SORBS2: variants seen among roughly 807,000 people sequenced by gnomAD.
SORBS2 encodes the protein sorbin and SH3 domain-containing protein 2.
A neutral mutation model predicts 97.7 loss-of-function variants in SORBS2; 46 were observed. That is an observed-to-expected ratio of 0.47 (90% CI 0.37 to 0.60). The LOEUF (loss-of-function observed/expected upper bound fraction) is 0.60. Ranked by LOEUF, SORBS2 falls within the 20% of genes least tolerant of loss-of-function variation. The pLI, the probability that SORBS2 is intolerant of heterozygous loss-of-function variation, is 0.00. For missense variants in SORBS2, 1,316 were observed against 1,282.3 expected (o/e 1.03, Z -0.40); for synonymous variants, 476 against 473.4 (o/e 1.01, Z -0.07).
chr4:185,627,082 A>T, intron 5 of SORBS2, 63 bp from the exon 18 acceptor site: 10 of 1,451,790 alleles, frequency 6.9e-6, no homozygotes, highest in Non-Finnish European at 9.6e-6. Context: ...GCACCAGAAA[A>T]ACCGGTGGAA....
At chr4:185,726,738 T>C (rs917699301) in intron 2 of SORBS2, among the ~76,000 whole-genome samples, 1 of 152,006 alleles carries the variant, frequency 6.6e-6, no homozygotes, top group Non-Finnish European at 1.5e-5. Flanking sequence ...TCTACAAATG[T>C]ATAAATATTA....
intron 4 of SORBS2, among the ~76,000 whole-genome samples, chr4:185,671,960 T>G (rs1028545643): frequency 2.0e-5 from 3 of 152,224 alleles, no homozygotes; most frequent in Non-Finnish European, 4.4e-5. Flanking sequence ...TCTCTAATGT[T>G]CAATTATTTA....
intron 1 of SORBS2, among the ~76,000 whole-genome samples, chr4:185,778,377 C>T (rs750259564): frequency 6.6e-6 from 1 of 152,152 alleles, no homozygotes; most frequent in Non-Finnish European, 1.5e-5. Flanking sequence ...AACCGCTGGT[C>T]TTGGGCCTTG....
rs868643954 is a variant in SORBS2, at chr4:185,921,798, C to T, written c.-338+34398G>A. Among the ~76,000 whole-genome samples, 4 of 152,178 alleles carry T rather than the reference C, an allele frequency of 2.6e-5. 1 individual carries two copies. The highest frequency in any genetic ancestry group is 4.1e-4 in the South Asian group (2 of 4,832). The stretch of plus-strand genomic sequence containing the variant: ...CTGCAAGCCTTCCGGGATTTCAAAG[C>T]GATCCTTCCAGTCTTCTTCAAAAGG... On this transcript the variant is annotated intron_variant, in intron 1 of 20. Transcript: ENST00000284776.
At chr4:185,945,511 A>C (rs2099274124) in intron 1 of SORBS2, among the ~76,000 whole-genome samples, 1 of 152,188 alleles carries the variant, frequency 6.6e-6, no homozygotes, top group African/African-American at 2.4e-5. Context: ...ATCATTGCAC[A>C]ATTTTGGTAA....
chr4:185,844,084 C>T (rs996834395), intron 1 of SORBS2, among the ~76,000 whole-genome samples: 1 of 152,170 alleles, frequency 6.6e-6, no homozygotes, highest in Non-Finnish European at 1.5e-5. Context: ...AGAACCCACA[C>T]CTTCAACACA....
At chr4:185,822,435 C>T (rs750648666) in intron 1 of SORBS2, among the ~76,000 whole-genome samples, 5 of 152,208 alleles carry the variant, frequency 3.3e-5, no homozygotes, top group Admixed American at 6.5e-5. Flanking sequence ...AGTGAGTGCC[C>T]GCTTCTGTTT....
chr4:185,859,509 C>G (rs1256221423), intron 1 of SORBS2, among the ~76,000 whole-genome samples: 1 of 152,172 alleles, frequency 6.6e-6, no homozygotes, highest in Non-Finnish European at 1.5e-5. Flanking sequence ...CGTCTGTTCT[C>G]CTCTGCAAGA....
At chr4:185,845,202 T>G (rs1269384982) in intron 1 of SORBS2, among the ~76,000 whole-genome samples, 1 of 152,016 alleles carries the variant, frequency 6.6e-6, no homozygotes, top group East Asian at 1.9e-4. Context: ...TAATTTTTTG[T>G]AGAGACAGAG....
At chr4:185,883,268 A>T (rs912652396) in intron 1 of SORBS2, among the ~76,000 whole-genome samples, 1 of 152,196 alleles carries the variant, frequency 6.6e-6, no homozygotes, top group Non-Finnish European at 1.5e-5. Context: ...TCACAAAAGA[A>T]TATATATTAT....
intron 2 of SORBS2, among the ~76,000 whole-genome samples, chr4:185,702,521 A>G (rs2098278919): frequency 6.6e-6 from 1 of 152,178 alleles, no homozygotes; most frequent in African/African-American, 2.4e-5. Context: ...CCAATTGGGG[A>G]TCGAATTTCA....
At chr4:185,893,939 C>T (rs2099243747) in intron 1 of SORBS2, among the ~76,000 whole-genome samples, 1 of 152,092 alleles carries the variant, frequency 6.6e-6, no homozygotes, top group Admixed American at 6.5e-5. Context: ...TTAACCTTTC[C>T]TAGATCCGGA....
intron 4 of SORBS2, among the ~76,000 whole-genome samples, chr4:185,644,694 G>A (rs990436113): frequency 2.0e-5 from 3 of 152,122 alleles, no homozygotes; most frequent in African/African-American, 7.2e-5. Flanking sequence ...ATGAGATAAG[G>A]CATAAATTAC....
chr4:185,850,924 C>T (rs1322531212), intron 1 of SORBS2, among the ~76,000 whole-genome samples: 1 of 152,172 alleles, frequency 6.6e-6, no homozygotes, highest in Non-Finnish European at 1.5e-5. Context: ...GGTAAATTCA[C>T]TCCCTCTCAG....
At chr4:185,938,709 C>T (rs192259575) in intron 1 of SORBS2, among the ~76,000 whole-genome samples, 19 of 151,996 alleles carry the variant, frequency 1.3e-4, no homozygotes, top group Admixed American at 1.2e-3. Flanking sequence ...ATGAGTTTCC[C>T]GCCTGTCAGC....
At chr4:185,721,746 G>A (rs940184541) in intron 2 of SORBS2, among the ~76,000 whole-genome samples, 42 of 152,208 alleles carry the variant, frequency 2.8e-4, no homozygotes, top group African/African-American at 9.2e-4. Flanking sequence ...TTGGAAAGAA[G>A]GGAAAACAAA....
At chr4:185,625,622 G>T (rs753123028) in intron 6 of SORBS2, among the ~76,000 whole-genome samples, 3 of 151,920 alleles carry the variant, frequency 2.0e-5, no homozygotes, top group Non-Finnish European at 4.4e-5. Flanking sequence ...TAGGTCAATG[G>T]CATTTCATGA....
At chr4:185,921,397 T>C (rs1459896434) in intron 1 of SORBS2, among the ~76,000 whole-genome samples, 1 of 152,008 alleles carries the variant, frequency 6.6e-6, no homozygotes, top group Non-Finnish European at 1.5e-5. Flanking sequence ...CGATAATGAG[T>C]TGTTTATGGA....
At chr4:185,836,908 T>A (rs1219006161) in intron 1 of SORBS2, among the ~76,000 whole-genome samples, 1 of 152,224 alleles carries the variant, frequency 6.6e-6, no homozygotes, top group African/African-American at 2.4e-5. Flanking sequence ...CATGACCTCT[T>A]GACTCCAGAG....
Sources: gnomAD v4.1 joint callset for allele counts (sites outside exome capture counted in the v4.1 genomes callset) on GRCh38, gnomAD v4.1.1 for gene constraint, MANE v1.5 for transcripts, NCBI Gene and HGNC (gene_info 2026-07-23, HGNC 2026-07-21) for gene names.